CTNNA2: variants seen among roughly 807,000 people sequenced by gnomAD.
CTNNA2 encodes the protein catenin alpha-2.
Under a neutral mutation model 101.0 loss-of-function variants are expected in CTNNA2, and 42 were observed. The ratio of observed to expected loss-of-function variants is 0.42; its 90% CI spans 0.32 to 0.54. CTNNA2 has a LOEUF of 0.54. Among genes scored for constraint, CTNNA2 ranks in the 20% least tolerant of loss-of-function variants. CTNNA2 has a pLI of 0.14. For synonymous variants in CTNNA2, 450 were observed against 456.4 expected (o/e 0.99, Z 0.18); for missense variants, 871 against 1,223.1 (o/e 0.71, Z 4.29).
chr2:80,200,083 A>T (rs1707106249), intron 7 of CTNNA2, among the ~76,000 whole-genome samples: 1 of 152,212 alleles, frequency 6.6e-6, no homozygotes, highest in Admixed American at 6.5e-5. Context: ...TTGGCTACCC[A>T]ACTGTTTGGG....
chr2:80,309,919 T>A (rs1368374224), intron 7 of CTNNA2, among the ~76,000 whole-genome samples: 1 of 150,686 alleles, frequency 6.6e-6, no homozygotes, highest in Non-Finnish European at 1.5e-5. Context: ...AAAGATTAAA[T>A]GAACAAACTC....
At chr2:79,252,621 A>T (rs1310203410) in intron 2 of CTNNA2, among the ~76,000 whole-genome samples, 1 of 152,004 alleles carries the variant, frequency 6.6e-6, no homozygotes, top group African/African-American at 2.4e-5. Context: ...ACACAGTCAT[A>T]TAGGTTTATA....
At chr2:79,213,355 T>C (rs1363655293) in intron 2 of CTNNA2, among the ~76,000 whole-genome samples, 1 of 152,150 alleles carries the variant, frequency 6.6e-6, no homozygotes, top group Non-Finnish European at 1.5e-5. Flanking sequence ...GACCCTTGTG[T>C]AGTGAGGAAA....
At chr2:80,091,621 A>G (rs546743337) in intron 7 of CTNNA2, among the ~76,000 whole-genome samples, 99 of 152,264 alleles carry the variant, frequency 6.5e-4, no homozygotes, top group African/African-American at 2.3e-3. Flanking sequence ...CCCGGGGACC[A>G]AGTCAGACTG....
At chr2:79,699,828 CACACGT>C (rs1684882546) in intron 2 of CTNNA2, among the ~76,000 whole-genome samples, 1 of 129,592 alleles carries the variant, frequency 7.7e-6, no homozygotes, top group South Asian at 2.3e-4. Context: ...CACACACACA[CACACGT>C]GTGTGTATAT....
intron 9 of CTNNA2, among the ~76,000 whole-genome samples, chr2:80,478,454 A>G (rs1431476961): frequency 1.3e-5 from 2 of 152,126 alleles, no homozygotes; most frequent in Non-Finnish European, 2.9e-5. Flanking sequence ...TTAGTCATAA[A>G]TTCTTTGCCT....
chr2:79,465,536 G>C (rs1213776863), intron 4 of CTNNA2, among the ~76,000 whole-genome samples: 1 of 152,184 alleles, frequency 6.6e-6, no homozygotes, highest in African/African-American at 2.4e-5. Flanking sequence ...TTGGAAGCTT[G>C]ATGGGGATGG....
intron 16 of CTNNA2, among the ~76,000 whole-genome samples, chr2:80,604,640 C>T (rs1697846913): frequency 6.6e-6 from 1 of 151,824 alleles, no homozygotes; most frequent in East Asian, 1.9e-4. Flanking sequence ...TTTATTATTG[C>T]TTTACTTTTA....
chr2:80,378,082 G>A (rs1050394873), intron 7 of CTNNA2, among the ~76,000 whole-genome samples: 1 of 152,006 alleles, frequency 6.6e-6, no homozygotes, highest in Non-Finnish European at 1.5e-5. Flanking sequence ...GGGGCCAGGC[G>A]CAGGTGGCTC....
At chr2:79,280,611 T>C (rs959449804) in intron 2 of CTNNA2, among the ~76,000 whole-genome samples, 1 of 145,140 alleles carries the variant, frequency 6.9e-6, no homozygotes, top group Non-Finnish European at 1.5e-5. Flanking sequence ...TGCCCAGCAT[T>C]CATCCTGTAT....
intron 9 of CTNNA2, among the ~76,000 whole-genome samples, chr2:80,543,095 C>T (rs1305102360): frequency 6.6e-6 from 1 of 152,174 alleles, no homozygotes; most frequent in African/African-American, 2.4e-5. Context: ...ATAAGTTACA[C>T]TAAGTTTACA....
chr2:80,486,423 C>A (rs1392031615), intron 9 of CTNNA2, among the ~76,000 whole-genome samples: 1 of 151,902 alleles, frequency 6.6e-6, no homozygotes, highest in Admixed American at 6.6e-5. Flanking sequence ...ACCATAATAA[C>A]CATGGAAACA....
At chr2:79,420,761 C>G (rs1678532840) in intron 4 of CTNNA2, among the ~76,000 whole-genome samples, 1 of 152,048 alleles carries the variant, frequency 6.6e-6, no homozygotes, top group Admixed American at 6.6e-5. Flanking sequence ...ATGGCGTTAT[C>G]TTTGATCTTT....
At chr2:79,238,962 TA>T (rs1674590144) in intron 2 of CTNNA2, among the ~76,000 whole-genome samples, 1 of 152,186 alleles carries the variant, frequency 6.6e-6, no homozygotes, top group Non-Finnish European at 1.5e-5. Context: ...AATAAATTTT[TA>T]TTTTTATTTT....
intron 18 of CTNNA2, among the ~76,000 whole-genome samples, chr2:80,641,298 T>C (rs760873448): frequency 6.6e-6 from 1 of 152,320 alleles, no homozygotes; most frequent in East Asian, 1.9e-4. Flanking sequence ...TTTAATCCAA[T>C]GACAGATTGC....
intron 2 of CTNNA2, among the ~76,000 whole-genome samples, chr2:79,708,435 A>G (rs1388636158): frequency 1.3e-5 from 2 of 152,086 alleles, no homozygotes; most frequent in Non-Finnish European, 2.9e-5. Context: ...TCAGTGTTTC[A>G]TGAGATCTGT....
chr2:79,464,021 AT>A (rs1670906173), intron 4 of CTNNA2, among the ~76,000 whole-genome samples: 1 of 151,708 alleles, frequency 6.6e-6, no homozygotes, highest in Non-Finnish European at 1.5e-5. Flanking sequence ...TCTAGGGTAC[AT>A]TGTGCACAAT....
chr2:79,849,770 A>G (rs904313268), intron 3 of CTNNA2, among the ~76,000 whole-genome samples: 1 of 152,212 alleles, frequency 6.6e-6, no homozygotes, highest in African/African-American at 2.4e-5. Flanking sequence ...AAGTTCAAAC[A>G]TGAAAAAGAA....
intron 2 of CTNNA2, among the ~76,000 whole-genome samples, chr2:79,726,280 T>C (rs1466364861): frequency 6.6e-6 from 1 of 152,210 alleles, no homozygotes; most frequent in Non-Finnish European, 1.5e-5. Context: ...ATATTTCATT[T>C]GTACTATTAT....
Sources: gnomAD v4.1 joint callset for allele counts (sites outside exome capture counted in the v4.1 genomes callset) on GRCh38, gnomAD v4.1.1 for gene constraint, MANE v1.5 for transcripts, NCBI Gene and HGNC (gene_info 2026-07-23, HGNC 2026-07-21) for gene names.